EED: variants seen among roughly 807,000 people sequenced by gnomAD.
The protein encoded by EED is polycomb protein EED.
Under a neutral mutation model 61.0 loss-of-function variants are expected in EED, and 9 were observed. The ratio of observed to expected loss-of-function variants is 0.15; its 90% confidence interval spans 0.09 to 0.26. The LOEUF (loss-of-function observed/expected upper bound fraction) is 0.26, where lower values mean the gene tolerates loss of function less well. Among genes scored for constraint, EED ranks in the 10% least tolerant of loss-of-function variants. The pLI, the probability that EED is intolerant of heterozygous loss-of-function variation, is 1.00. For synonymous variants in EED, 187 were observed against 174.4 expected, an observed-to-expected ratio of 1.07 and a Z score of -0.57; for missense variants, 315 against 542.3, an observed-to-expected ratio of 0.58 and a Z score of 4.16.
chr11:86,282,514 T>C (rs1310871818), downstream of EED, among the ~76,000 whole-genome samples: 2 of 152,198 alleles, frequency 1.3e-5, no homozygotes, highest in Non-Finnish European at 2.9e-5. Context: ...TAGGTAGTAT[T>C]TTGAATAACA....
chr11:86,287,061 A>G, the EED span, among the ~76,000 whole-genome samples: 2 of 151,340 alleles, frequency 1.3e-5, no homozygotes, highest in Non-Finnish European at 2.9e-5. Flanking sequence ...CAATATACTT[A>G]CTAATATGAT....
At chr11:86,266,802 C>T (rs1945992270) in intron 8 of EED, among the ~76,000 whole-genome samples, 1 of 152,104 alleles carries the variant, frequency 6.6e-6, no homozygotes. Flanking sequence ...AATGCAGTAA[C>T]TGTCTTTAGA....
intron 3 of EED, among the ~76,000 whole-genome samples, chr11:86,252,741 G>C (rs1286096383): frequency 6.6e-6 from 1 of 151,528 alleles, no homozygotes; most frequent in Non-Finnish European, 1.5e-5. Flanking sequence ...GTGTTTGGTG[G>C]TGATTGTTGT....
chr11:86,249,456 C>A (rs1000112460), intron 1 of EED, among the ~76,000 whole-genome samples: 2 of 149,734 alleles, frequency 1.3e-5, no homozygotes, highest in African/African-American at 2.5e-5. Context: ...TTAAATAAAT[C>A]TTTTCTTTCC....
chr11:86,274,470 T>C (rs771805099), intron 9 of EED, among the ~76,000 whole-genome samples: 1 of 152,174 alleles, frequency 6.6e-6, no homozygotes, highest in Non-Finnish European at 1.5e-5. Flanking sequence ...CTCTGGACCT[T>C]ATTTAGATCT....
rs1466024828 is a variant in EED, at chr11:86,254,063, A to G, written c.361-1159A>G. 1.8e-3 allele frequency among the ~76,000 whole-genome samples: 250 copies of G among 137,268 alleles called. 5 individuals are homozygous for G. Among genetic ancestry groups the G allele is most frequent in the African/African-American group, 7.9e-3 (245 of 31,084 alleles). 90.1% of individuals were successfully genotyped at this position (137,268 alleles called of 152,430 possible). On this transcript the variant is annotated intron_variant, in intron 3 of 11. Coordinates refer to ENST00000263360, the MANE Select transcript of EED (RefSeq NM_003797.5). Reference sequence around the variant, plus strand: ...AACTCTGTCTCAAAAAAAAAAAAAAAAAAAAAAAAAAAGAAAATGGAAAGA... The same window carrying G: ...AACTCTGTCTCAAAAAAAAAAAAAAGAAAAAAAAAAAAGAAAATGGAAAGA...
intron 11 of EED, 155 bp downstream of exon 11, chr11:86,278,146 A>G (rs1946275405): frequency 1.5e-6 from 2 of 1,335,652 alleles, no homozygotes; most frequent in African/African-American, 3.0e-5. Context: ...TTATTCCAAT[A>G]ATTTTTGTTT....
At chr11:86,264,125 C>G (rs971830502) in intron 6 of EED, 47 bp from the exon 7 acceptor site, 10 of 1,449,254 alleles carry the variant, frequency 6.9e-6, no homozygotes, top group Non-Finnish European at 9.7e-6. Context: ...GTTGAAAGTT[C>G]ACAGTAAATA....
chr11:86,277,197 T>C (rs768278770), intron 10 of EED, 59 bp downstream of exon 10: 28 of 1,448,630 alleles, frequency 1.9e-5, no homozygotes, highest in Non-Finnish European at 2.5e-5. Context: ...ATTGTAATTC[T>C]AGCTTTTTCT....
chr11:86,254,048 C>CAAAA lies in EED; in HGVS notation c.361-1150_361-1147dup, dbSNP rs201298345. Among the ~76,000 whole-genome samples, 383 of 56,290 alleles carry CAAAA rather than the reference C, an allele frequency of 6.8e-3. 36 individuals carry two copies. The highest frequency in any genetic ancestry group is 0.018 in the South Asian group (15 of 846). 36.9% of individuals were successfully genotyped at this position (56,290 alleles called of 152,430 possible). The stretch of plus-strand genomic sequence containing the variant: ...GGACGACAAGAGTGAAACTCTGTCT[C>CAAAA]AAAAAAAAAAAAAAAAAAAAAAAAA... On this transcript the variant is annotated intron_variant, in intron 3 of 11. Coordinates refer to ENST00000263360, the MANE Select transcript of EED (RefSeq NM_003797.5).
In EED at chr11:86,278,602, G is replaced by T. The variant is rs1946283955; in HGVS notation, c.*77G>T. 7 of 1,543,850 alleles carry T rather than the reference G, an allele frequency of 4.5e-6. No individual in the cohort carries two copies. Among genetic ancestry groups the T allele is most frequent in the Non-Finnish European group, 5.3e-6 (6 of 1,139,070 alleles). On this transcript the variant is annotated 3_prime_UTR_variant, in exon 12 of 12. Coordinates refer to ENST00000263360, the MANE Select transcript of EED (RefSeq NM_003797.5). ...GAATTAATGTATCTTGCTAGTAAGG[G>T]CACGTAGAGCATTTAGAGTTGTCTT...
At chr11:86,249,381 GAAA>G (rs34097493) in intron 1 of EED, among the ~76,000 whole-genome samples, 2 of 125,598 alleles carry the variant, frequency 1.6e-5, no homozygotes, top group Admixed American at 8.1e-5. Context: ...GCATTTCATG[GAAA>G]AAAAAAAAAA....
At chr11:86,272,802 T>A (rs1406335882) in intron 9 of EED, among the ~76,000 whole-genome samples, 1 of 152,220 alleles carries the variant, frequency 6.6e-6, no homozygotes, top group East Asian at 1.9e-4. Context: ...GGTCATTTTT[T>A]AAATCTATTC....
intron 4 of EED, among the ~76,000 whole-genome samples, chr11:86,255,598 G>A (rs959218943): frequency 6.6e-6 from 1 of 152,018 alleles, no homozygotes; most frequent in Admixed American, 6.5e-5. Flanking sequence ...AGCAAAGACT[G>A]ATTAAAACCT....
intron 11 of EED, 137 bp downstream of exon 11, chr11:86,278,128 A>G: frequency 3.7e-6 from 5 of 1,353,712 alleles, no homozygotes; most frequent in Non-Finnish European, 4.8e-6. Flanking sequence ...AGTTAAAGTT[A>G]TTCTTTTTTA....
In EED at chr11:86,277,020, T is replaced by G; in HGVS notation, c.1007T>G (p.Met336Arg). 1.9e-6 allele frequency: 3 copies of G among 1,540,806 alleles called. No homozygotes were observed. The highest frequency in any genetic ancestry group is 2.6e-6 in the Non-Finnish European group (3 of 1,132,602). ...NAIVCWKPGK[M>R]EDDIDKIKPS... ...ATTGTGTGCTGGAAACCTGGCAAGATGGAAGATGATATAGATAAAATTAAA... is the reference window on the plus strand; with the variant it reads ...ATTGTGTGCTGGAAACCTGGCAAGAGGGAAGATGATATAGATAAAATTAAA... The change falls in exon 10 of 12, where the codon ATG becomes AGG. Residue 336 changes from methionine (M) to arginine (R), a missense_variant. By Grantham distance (91) the Met-to-Arg change is moderately conservative. Coordinates refer to ENST00000263360, the MANE Select transcript of EED (RefSeq NM_003797.5).
chr11:86,246,321 A>G (rs905905237), intron 1 of EED, among the ~76,000 whole-genome samples: 2 of 152,246 alleles, frequency 1.3e-5, no homozygotes, highest in Non-Finnish European at 2.9e-5. Flanking sequence ...TTCTCATGAT[A>G]TATAACAACT....
At chr11:86,253,561 G>A (rs1424425824) in intron 3 of EED, among the ~76,000 whole-genome samples, 1 of 152,072 alleles carries the variant, frequency 6.6e-6, no homozygotes, top group Non-Finnish European at 1.5e-5. Context: ...TCTTTAAAAG[G>A]AAGAAAGAAA....
chr11:86,286,467 A>G, the EED span, among the ~76,000 whole-genome samples: 1 of 152,228 alleles, frequency 6.6e-6, no homozygotes, highest in Non-Finnish European at 1.5e-5. Context: ...GTAGAAACTC[A>G]GTGACTTTAA....
Sources: allele counts gnomAD v4.1 joint callset (sites outside exome capture counted in the v4.1 genomes callset), GRCh38; gene constraint gnomAD v4.1.1; transcripts MANE v1.5; gene names NCBI Gene and HGNC (gene_info 2026-07-23, HGNC 2026-07-21).